Variants in CCNF observed in about 807,000 individuals in gnomAD.
CCNF encodes the protein cyclin-F.
A neutral mutation model predicts 85.4 loss-of-function variants in CCNF; 30 were observed. That is an observed-to-expected ratio of 0.35 (90% CI 0.26 to 0.48). CCNF has a LOEUF of 0.48. Ranked by LOEUF, CCNF falls within the 20% of genes least tolerant of loss-of-function variation. The pLI is 0.99. For missense variants in CCNF, 919 were observed against 1,010.4 expected, an observed-to-expected ratio of 0.91 and a Z score of 1.23; for synonymous variants, 439 against 425.1, an observed-to-expected ratio of 1.03 and a Z score of -0.40.
At chr16:2,444,608 T>G (rs1363257408) in intron 9 of CCNF, among the ~76,000 whole-genome samples, 1 of 151,752 alleles carries the variant, frequency 6.6e-6, no homozygotes, top group Non-Finnish European at 1.5e-5. Flanking sequence ...CCACCTTTTT[T>G]TTTTTTGAGA....
In CCNF at chr16:2,438,132, AGTT is replaced by A; in HGVS notation, c.594+13_594+15del. On this transcript the variant is annotated intron_variant, in intron 6 of 16. Transcript: ENST00000397066. ...TGCTGAGTCTGTTCGAGGTGAGTCA[AGTT>A]GTTCTCTGCACTGGGACTTTGTGTT... 1 of 1,594,860 alleles carries A rather than the reference AGTT, an allele frequency of 6.3e-7. No homozygotes were observed. The highest frequency in any genetic ancestry group is 1.3e-5 in the African/African-American group (1 of 74,652).
rs1243756247 is a variant in CCNF, at chr16:2,453,451, A to G, written c.1629A>G (p.Thr543=). Residue 543 remains threonine, a synonymous_variant, in exon 15 of 17, where the codon ACA becomes ACG. Coordinates refer to ENST00000397066, the MANE Select transcript of CCNF (RefSeq NM_001761.3). This position sits in a 1 kb window ranked among gnomAD's most constrained non-coding sequence, Gnocchi z 5.6. Reference sequence around the variant, plus strand: ...AGTTGTGTGCTGCATTAGGAGTGACACAAGACAGCCCCGACCCCCCGACTT... The same window carrying G: ...AGTTGTGTGCTGCATTAGGAGTGACGCAAGACAGCCCCGACCCCCCGACTT... The part of the protein sequence containing the change: ...YSQLCAALGV[T]QDSPDPPTFL... 1.2e-6 allele frequency: 2 copies of G among 1,613,876 alleles called. No homozygotes were observed. Among genetic ancestry groups the G allele is most frequent in the African/African-American group, 2.7e-5 (2 of 74,886 alleles).
Position 2,439,762 on chromosome 16 carries a change from G to A in CCNF, c.713G>A (p.Gly238Glu). The change falls in exon 8 of 17, where the codon GGG becomes GAG. Residue 238 changes from glycine (G) to glutamate (E), a missense_variant. Around this residue, in one of 3 missense-constraint regions of CCNF, gnomAD observed 410 missense variants for 478.6 expected, o/e 0.86. Transcript: ENST00000397066. Reference protein sequence around the residue: ...SDRRTDVSDPGRCLHSFRKLR... With the variant: ...SDRRTDVSDPERCLHSFRKLR... The stretch of plus-strand genomic sequence containing the variant: ...TCCCATTGACAGGTGTCAGATCCTG[G>A]GCGATGCCTCCACAGCTTCCGAAAA... 6.2e-7 allele frequency: 1 copy of A among 1,614,152 alleles called. No homozygotes were observed. Among genetic ancestry groups the A allele is most frequent in the Non-Finnish European group, 8.5e-7 (1 of 1,180,002 alleles).
rs900140885 is a variant in CCNF at position 2,451,669 on chromosome 16, G to A, written c.1488-1541G>A. Among the ~76,000 whole-genome samples the A allele has an allele frequency of 6.6e-6, 1 of 152,114 alleles. No homozygotes were observed. Among genetic ancestry groups the A allele is most frequent in the Non-Finnish European group, 1.5e-5 (1 of 68,000 alleles). ...GGGCTCAAGGGATTCTTTTGTGTCA[G>A]CCTCCCGAGTAGCAGAAACCACAGG... On this transcript the variant is annotated intron_variant, in intron 13 of 16. Transcript: ENST00000397066. This position sits in a 1 kb window ranked among gnomAD's most constrained non-coding sequence, Gnocchi z 4.3.
chr16:2,456,582 C>G lies in CCNF; in HGVS notation c.1923C>G (p.Val641=), dbSNP rs779513022. ...GCGGCATCCTCGATGTCACCGTGGT[C>G]TACCTGAACCCAGAACAGCATTGCT... is the stretch of plus-strand genomic sequence containing the variant. ...APSGILDVTV[V]YLNPEQHCCQ... is the part of the protein sequence containing the mutation. Residue 641 remains valine, a synonymous_variant, in exon 17 of 17, where the codon GTC becomes GTG. Transcript: ENST00000397066. This position sits in a 1 kb window ranked among gnomAD's most constrained non-coding sequence, Gnocchi z 4.5. The G allele has an allele frequency of 8.9e-6, 14 of 1,570,252 alleles. 1 individual carries two copies. The South Asian group carries it at 1.5e-4, about 17-fold the overall frequency.
At chr16:2,447,372 CAGG>C (rs1313043348) in intron 10 of CCNF, among the ~76,000 whole-genome samples, 2 of 151,286 alleles carry the variant, frequency 1.3e-5, no homozygotes, top group Middle Eastern at 3.2e-3. Flanking sequence ...ATCGTGAGGT[CAGG>C]AGTTCAAGAC....
In CCNF at chr16:2,457,005, C is replaced by A. The variant is rs1037946128; in HGVS notation, c.2346C>A (p.Gly782=). ...IHSEEEDMNL[G]LVRL is the part of the protein sequence containing the mutation. Reference sequence around the variant, plus strand: ...GTGAGGAGGAGGACATGAACCTGGGCCTTGTGAGGCTGTAAGTGTGTCAGC... The same window carrying A: ...GTGAGGAGGAGGACATGAACCTGGGACTTGTGAGGCTGTAAGTGTGTCAGC... Residue 782 remains glycine, a synonymous_variant, in exon 17 of 17, where the codon GGC becomes GGA. Transcript: ENST00000397066. The A allele has an allele frequency of 2.5e-6, 4 of 1,585,924 alleles. No homozygotes were observed. In the East Asian group the frequency reaches 6.7e-5, roughly 27 times the overall value.
chr16:2,444,602 C>CTT (rs879408225), intron 9 of CCNF, among the ~76,000 whole-genome samples: 1 of 134,468 alleles, frequency 7.4e-6, no homozygotes. Flanking sequence ...GCCCAGCCAC[C>CTT]TTTTTTTTTT....
At position 2,456,754 on chromosome 16, in the gene CCNF, A is replaced by T. The variant is rs1253567667; in HGVS notation, c.2095A>T (p.Thr699Ser). The T allele has an allele frequency of 6.2e-7, 1 of 1,612,326 alleles. No homozygotes were observed. Among genetic ancestry groups the T allele is most frequent in the Admixed American group, 1.7e-5 (1 of 59,908 alleles). The change falls in exon 17 of 17, where the codon ACC becomes TCC. Residue 699 changes from threonine (T) to serine (S), a missense_variant. Transcript: ENST00000397066. This position sits in a 1 kb window ranked among gnomAD's most constrained non-coding sequence, Gnocchi z 4.5. ...TSREPGKDVT[T>S]SGYSSVSTAS... ...CCGGGAGCCAGGGAAGGACGTCACG[A>T]CCTCAGGGTACTCCTCCGTCAGCAC...
chr16:2,448,999 C>T, intron 11 of CCNF, 21 bp downstream of exon 11: 1 of 1,587,582 alleles, frequency 6.3e-7, no homozygotes, highest in Non-Finnish European at 8.6e-7. Context: ...GTTCCATTTT[C>T]CTTATTAATC....
rs1373235716 is a variant in CCNF at position 2,451,020 on chromosome 16, G to T, written c.1487+1105G>T. On this transcript the variant is annotated intron_variant, in intron 13 of 16. Transcript: ENST00000397066. The surrounding 1 kb of genome is among the most constrained non-coding windows in gnomAD (Gnocchi z 4.3). ...CACTGGGCTTCCCTCCACCTGCCCCGGCCCCTCCGCCCTTCTCTCTGGTGA... is the reference window on the plus strand; with the variant it reads ...CACTGGGCTTCCCTCCACCTGCCCCTGCCCCTCCGCCCTTCTCTCTGGTGA... Among the ~76,000 whole-genome samples, 1 of 152,104 alleles carries T rather than the reference G, an allele frequency of 6.6e-6. No homozygotes were observed. Among genetic ancestry groups the T allele is most frequent in the Non-Finnish European group, 1.5e-5 (1 of 68,006 alleles).
In CCNF at chr16:2,432,338, C is replaced by G. The variant is rs181460056; in HGVS notation, c.172-623C>G. Among the ~76,000 whole-genome samples the G allele has an allele frequency of 1.7e-4, 26 of 152,248 alleles. 1 individual carries two copies. In the South Asian group the frequency reaches 3.9e-3, roughly 23 times the overall value. On this transcript the variant is annotated intron_variant, in intron 2 of 16. Transcript: ENST00000397066. Reference sequence around the variant, plus strand: ...TAGTGGATTCATGGGGAAATGCCAGCAAGAACCCATTTTCTGACTCCCAAA... The same window carrying G: ...TAGTGGATTCATGGGGAAATGCCAGGAAGAACCCATTTTCTGACTCCCAAA...
intron 6 of CCNF, 146 bp downstream of exon 6, chr16:2,438,269 G>A: frequency 1.4e-6 from 1 of 718,068 alleles, no homozygotes; most frequent in East Asian, 2.6e-5. Flanking sequence ...GGAGAAGCCA[G>A]GGGACACATG....
rs201813739 is a variant in CCNF, at chr16:2,443,717, C to G, written c.846C>G (p.Ile282Met). 2.5e-6 allele frequency: 4 copies of G among 1,614,046 alleles called. No individual in the cohort carries two copies. In the East Asian group the frequency reaches 6.7e-5, roughly 27 times the overall value. ...TGGAGGTGAGAGCTTCCAGTGAGAT[C>G]GTCTGCCAGCTATTTCAGGCTTCCC... Reference protein sequence around the residue: ...LGLEVRASSEIVCQLFQASQA... With the variant: ...LGLEVRASSEMVCQLFQASQA... Residue 282 changes from isoleucine (I) to methionine (M), a missense_variant, in exon 9 of 17, where the codon ATC becomes ATG. By Grantham distance (10) the Ile-to-Met change is conservative. Coordinates refer to ENST00000397066, the MANE Select transcript of CCNF (RefSeq NM_001761.3).
chr16:2,439,633 C>A, intron 7 of CCNF, 116 bp from the exon 8 acceptor site: 1 of 998,066 alleles, frequency 1.0e-6, no homozygotes, highest in Non-Finnish European at 1.5e-6. Context: ...AAAATGACTC[C>A]ACCATTTGAG....
At chr16:2,442,957 ATTT>A (rs1213180716) in intron 8 of CCNF, among the ~76,000 whole-genome samples, 4 of 100,206 alleles carry the variant, frequency 4.0e-5, no homozygotes, top group African/African-American at 1.6e-4. Flanking sequence ...TATATTATAT[ATTT>A]TTATATATTT....
At chr16:2,439,669 G>A in intron 7 of CCNF, 80 bp from the exon 8 acceptor site, 1 of 1,196,874 alleles carries the variant, frequency 8.4e-7, no homozygotes, top group Non-Finnish European at 1.2e-6. Flanking sequence ...AGTTAGCGTA[G>A]TGTCGGCCCT....
rs71148135 is a variant in CCNF at position 2,435,666 on chromosome 16, CATATATATATATATATATAT to C, written c.279-121_279-102del. 316 of 42,528 alleles carry C rather than the reference CATATATATATATATATATAT, an allele frequency of 7.4e-3. 1 individual carries two copies. The highest frequency in any genetic ancestry group is 0.016 in the South Asian group (27 of 1,640). 2.6% of individuals were successfully genotyped at this position (42,528 alleles called of 1,614,324 possible). A position where few individuals can be genotyped will look rare whatever the true frequency, so the allele number is the denominator to read the frequency against. ...ACACATATATATATGCACACACACA[CATATATATATATATATATAT>C]ATATATATATATATATATTCAATTC... On this transcript the variant is annotated intron_variant, in intron 3 of 16. Transcript: ENST00000397066.
Position 2,456,021 on chromosome 16 carries a change from C to G in CCNF, c.1885+457C>G, listed in dbSNP as rs1273845125. 6.6e-6 allele frequency among the ~76,000 whole-genome samples: 1 copy of G among 152,172 alleles called. No homozygotes were observed. Among genetic ancestry groups the G allele is most frequent in the African/African-American group, 2.4e-5 (1 of 41,434 alleles). On this transcript the variant is annotated intron_variant, in intron 16 of 16. Coordinates refer to ENST00000397066, the MANE Select transcript of CCNF (RefSeq NM_001761.3). This position sits in a 1 kb window ranked among gnomAD's most constrained non-coding sequence, Gnocchi z 4.5. ...ACAAAAAATTTAAAAATTAGCTGGG[C>G]ATCGTGGCGTGCGCCTGTGGTCCCA...
Sources: gnomAD v4.1 joint callset for allele counts (sites outside exome capture counted in the v4.1 genomes callset) on GRCh38, gnomAD v4.1.1 for gene constraint, gnomAD v4.1.1 regional missense constraint, Gnocchi (gnomAD v3.1) non-coding constraint, MANE v1.5 for transcripts, NCBI Gene and HGNC (gene_info 2026-07-23, HGNC 2026-07-21) for gene names.